SLC14A2: variants seen among roughly 807,000 people sequenced by gnomAD.
SLC14A2 encodes urea transporter 2.
SLC14A2 carries 91 observed loss-of-function variants against 104.6 expected under a neutral mutation model. That is an observed-to-expected ratio of 0.87 (90% CI 0.73 to 1.04). The LOEUF is 1.04. Among genes scored for constraint, SLC14A2 ranks in the 50% least tolerant of loss-of-function variants. The pLI, the probability that SLC14A2 is intolerant of heterozygous loss-of-function variation, is 0.00. For missense variants in SLC14A2, 1,189 were observed against 1,156.0 expected (o/e 1.03, Z -0.41); for synonymous variants, 476 against 466.4 (o/e 1.02, Z -0.27).
At chr18:45,625,998 A>AC in intron 3 of SLC14A2, 135 bp downstream of exon 3, 1 of 574,784 alleles carries the variant, frequency 1.7e-6, no homozygotes, top group East Asian at 3.5e-5. Flanking sequence ...ACTGGACCTC[A>AC]CCCAGGGCTG....
chr18:45,451,261 C>A (rs898885491), intron 1 of SLC14A2, among the ~76,000 whole-genome samples: 1 of 151,940 alleles, frequency 6.6e-6, no homozygotes, highest in Non-Finnish European at 1.5e-5. Context: ...AAAGAACTTG[C>A]TGAAAGCCTG....
chr18:45,651,577 C>G (rs551301803), intron 10 of SLC14A2, among the ~76,000 whole-genome samples: 13 of 152,222 alleles, frequency 8.5e-5, no homozygotes, highest in Admixed American at 7.2e-4. Flanking sequence ...CTATAAGGTC[C>G]TAAGATTTCT....
At position 45,625,784 on chromosome 18, in the gene SLC14A2, A is replaced by T; in HGVS notation, c.252A>T (p.Ala84=). 6.4e-7 allele frequency: 1 copy of T among 1,553,050 alleles called. No homozygotes were observed. Among genetic ancestry groups the T allele is most frequent in the Non-Finnish European group, 8.7e-7 (1 of 1,155,766 alleles). The change falls in exon 3 of 20, where the codon GCA becomes GCT. Residue 84 remains alanine (A), a synonymous_variant. Transcript: ENST00000255226. ...ACGGGGTGGCCCATCGGGACTCAGC[A>T]GGCCAAAGGTGCATCTGCCTCTCCA... ...KDDGVAHRDS[A]GQRCICLSKA...
At chr18:45,430,449 A>G (rs1568199029) in intron 1 of SLC14A2, among the ~76,000 whole-genome samples, 1 of 152,240 alleles carries the variant, frequency 6.6e-6, no homozygotes, top group Admixed American at 6.5e-5. Flanking sequence ...GGGATCTTGT[A>G]ATAACTCACG....
At chr18:45,404,427 C>T (rs1252115334) in intron 1 of SLC14A2, among the ~76,000 whole-genome samples, 1 of 152,196 alleles carries the variant, frequency 6.6e-6, no homozygotes, top group Non-Finnish European at 1.5e-5. Context: ...TCCTGACTTC[C>T]CCCCTTTCCT....
At chr18:45,672,081 G>A (rs1439068293) in intron 16 of SLC14A2, among the ~76,000 whole-genome samples, 2 of 152,198 alleles carry the variant, frequency 1.3e-5, no homozygotes, top group African/African-American at 4.8e-5. Flanking sequence ...GATGCTGGGC[G>A]ATACTACCTT....
At chr18:45,525,640 T>G (rs1226867521) in intron 2 of SLC14A2, among the ~76,000 whole-genome samples, 1 of 152,228 alleles carries the variant, frequency 6.6e-6, no homozygotes, top group African/African-American at 2.4e-5. Context: ...CAAACTTAAC[T>G]ATTTTCAATG....
At chr18:45,665,673 A>G (rs934813053) in intron 11 of SLC14A2, among the ~76,000 whole-genome samples, 1 of 148,012 alleles carries the variant, frequency 6.8e-6, no homozygotes, top group Non-Finnish European at 1.5e-5. Flanking sequence ...AAGGGCTTCA[A>G]CAACAACCAA....
intron 1 of SLC14A2, among the ~76,000 whole-genome samples, chr18:45,410,603 G>GGT (rs2086204737): frequency 6.6e-6 from 1 of 152,070 alleles, no homozygotes; most frequent in East Asian, 1.9e-4. Context: ...TAAGTATACA[G>GGT]GTGTATTTCT....
At chr18:45,334,427 G>T (rs1003890557) in intron 1 of SLC14A2, among the ~76,000 whole-genome samples, 1 of 152,110 alleles carries the variant, frequency 6.6e-6, no homozygotes, top group Non-Finnish European at 1.5e-5. Flanking sequence ...TGTAATTCTG[G>T]AAACTTCCTG....
chr18:45,226,954 G>T (rs914339997), intron 1 of SLC14A2, among the ~76,000 whole-genome samples: 1 of 152,142 alleles, frequency 6.6e-6, no homozygotes, highest in African/African-American at 2.4e-5. Context: ...AGTGACAGAG[G>T]CTGTTCTTGT....
chr18:45,564,560 A>G (rs913527054), intron 2 of SLC14A2, among the ~76,000 whole-genome samples: 6 of 152,226 alleles, frequency 3.9e-5, no homozygotes, highest in African/African-American at 9.6e-5. Context: ...ACACAGCCCC[A>G]GCTCAACTGC....
At chr18:45,257,495 A>C (rs750952884) in intron 1 of SLC14A2, among the ~76,000 whole-genome samples, 1 of 152,228 alleles carries the variant, frequency 6.6e-6, no homozygotes, top group Non-Finnish European at 1.5e-5. Flanking sequence ...ATTGGCCAGC[A>C]AGAAGAAAAG....
At chr18:45,623,897 T>G (rs925043927) in intron 1 of SLC14A2, among the ~76,000 whole-genome samples, 4 of 152,028 alleles carry the variant, frequency 2.6e-5, no homozygotes, top group African/African-American at 9.7e-5. Context: ...AGAGAAGAAA[T>G]GCACAAATGG....
intron 1 of SLC14A2, among the ~76,000 whole-genome samples, chr18:45,221,816 A>G (rs1206131095): frequency 1.3e-5 from 2 of 151,930 alleles, no homozygotes; most frequent in African/African-American, 4.8e-5. Flanking sequence ...AAGACTTCAC[A>G]TAGGAAAGGG....
intron 2 of SLC14A2, among the ~76,000 whole-genome samples, chr18:45,542,866 T>G (rs1299516707): frequency 6.6e-6 from 1 of 151,994 alleles, no homozygotes; most frequent in Non-Finnish European, 1.5e-5. Flanking sequence ...TGGGCTGTTA[T>G]TTATTTAATA....
intron 2 of SLC14A2, among the ~76,000 whole-genome samples, chr18:45,599,813 GA>G (rs1436797714): frequency 6.6e-6 from 1 of 152,190 alleles, no homozygotes. Context: ...GGCAGAAGAC[GA>G]GGAGCAAGAC....
chr18:45,499,077 C>G (rs967650810), intron 2 of SLC14A2, among the ~76,000 whole-genome samples: 2 of 152,142 alleles, frequency 1.3e-5, no homozygotes, highest in African/African-American at 4.8e-5. Context: ...TCATTTTCTT[C>G]CCAGTCCCAA....
intron 2 of SLC14A2, among the ~76,000 whole-genome samples, chr18:45,492,519 A>C (rs540578625): frequency 6.6e-6 from 1 of 152,322 alleles, no homozygotes; most frequent in South Asian, 2.1e-4. Context: ...TCACGAAAAC[A>C]GCATGGAAGA....
Sources: gnomAD v4.1 joint callset for allele counts (sites outside exome capture counted in the v4.1 genomes callset) on GRCh38, gnomAD v4.1.1 for gene constraint, MANE v1.5 for transcripts, NCBI Gene and HGNC (gene_info 2026-07-23, HGNC 2026-07-21) for gene names.